The following ERCC8 variants were observed in gnomAD, a reference collection of about 807,000 sequenced individuals.
The protein encoded by ERCC8 is DNA excision repair protein ERCC-8.
ERCC8 carries 52 observed loss-of-function variants against 54.9 expected under a neutral mutation model. The observed-to-expected ratio is 0.95, with a 90% CI of 0.76 to 1.19. The LOEUF is 1.19. Ranked by LOEUF, ERCC8 falls within the 50% of genes most tolerant of loss-of-function variation. ERCC8 has a pLI of 0.00. For missense variants in ERCC8, 514 were observed against 466.1 expected, an observed-to-expected ratio of 1.10 and a Z score of -0.95; for synonymous variants, 146 against 157.2, an observed-to-expected ratio of 0.93 and a Z score of 0.53.
chr5:60,931,938 C>G (rs1580045077), intron 1 of ERCC8, among the ~76,000 whole-genome samples: 1 of 152,188 alleles, frequency 6.6e-6, no homozygotes, highest in South Asian at 2.1e-4. Context: ...AATCTCCCAT[C>G]TCCACTACCA....
At chr5:60,890,522 C>T (rs1748515200) in intron 10 of ERCC8, among the ~76,000 whole-genome samples, 1 of 152,110 alleles carries the variant, frequency 6.6e-6, no homozygotes. Context: ...ATCATCCACA[C>T]ATACATAAAC....
rs577715723 is a variant in ERCC8 at position 60,902,610 on chromosome 5, T to A, written c.551-102A>T. ...ATTCTGAAGAAAGTGAGGCCAAATA[T>A]TCAATGTGAATAGATATGACCATTT... is the stretch of plus-strand genomic sequence containing the variant. On this transcript the variant is annotated intron_variant, in intron 6 of 11. Transcript: ENST00000676185. 6.9e-5 allele frequency: 61 copies of A among 878,274 alleles called. No homozygotes were observed. In the South Asian group the frequency reaches 7.7e-4, roughly 11 times the overall value. The allele number at this position is 878,274 out of a possible 1,614,324, so 54.4% of individuals were successfully genotyped here.
In ERCC8 at chr5:60,897,921, G is replaced by T. The variant is rs563748987; in HGVS notation, c.843+355C>A. On this transcript the variant is annotated intron_variant, in intron 9 of 11. Coordinates refer to ENST00000676185, the MANE Select transcript of ERCC8 (RefSeq NM_000082.4). ...AGATTTTGGAACATTTCAGATTTCAGATTTTCAGATTAGGGATACTCAACC... is the reference window on the plus strand; with the variant it reads ...AGATTTTGGAACATTTCAGATTTCATATTTTCAGATTAGGGATACTCAACC... 1.9e-4 allele frequency among the ~76,000 whole-genome samples: 29 copies of T among 152,296 alleles called. No homozygotes were observed. In the South Asian group the frequency reaches 5.6e-3, roughly 29 times the overall value.
chr5:60,870,533 G>A lies in ERCC8; in HGVS notation c.*4082C>T, dbSNP rs1007100610. On this transcript the variant is annotated 3_prime_UTR_variant, in exon 12 of 12. Transcript: ENST00000676185. ...AAAAATTAGCCAGGCGTGGTGGTGG[G>A]CACCTGTAATCCCAGCTGCTTGGGA... 6.7e-6 allele frequency among the ~76,000 whole-genome samples: 1 copy of A among 150,082 alleles called. No individual in the cohort carries two copies. Among genetic ancestry groups the A allele is most frequent in the Non-Finnish European group, 1.5e-5 (1 of 67,634 alleles).
chr5:60,918,718 G>A (rs1019244895), intron 3 of ERCC8: 2 of 328,126 alleles, frequency 6.1e-6, no homozygotes, highest in Admixed American at 4.6e-5. Context: ...TACTGGAAGA[G>A]ACAGCTGTTT....
At chr5:60,899,572 T>G in intron 8 of ERCC8, 55 bp downstream of exon 8, 1 of 1,358,862 alleles carries the variant, frequency 7.4e-7, no homozygotes. Flanking sequence ...AATTAAAAAT[T>G]TTCAATGTAA....
intron 1 of ERCC8, among the ~76,000 whole-genome samples, chr5:60,933,143 A>C (rs1749958281): frequency 6.7e-6 from 1 of 149,496 alleles, no homozygotes; most frequent in Non-Finnish European, 1.5e-5. Flanking sequence ...TTTTGTTTTA[A>C]TGTTTTAAAT....
rs1747914247 is a variant in ERCC8, at chr5:60,873,660, G to C, written c.*955C>G. On this transcript the variant is annotated 3_prime_UTR_variant, in exon 12 of 12. Coordinates refer to ENST00000676185, the MANE Select transcript of ERCC8 (RefSeq NM_000082.4). ...ACACTGCACTCCGGCCTGAGCGACAGAGTGAAACTCCATCTCAGGAAAAAA... is the reference window on the plus strand; with the variant it reads ...ACACTGCACTCCGGCCTGAGCGACACAGTGAAACTCCATCTCAGGAAAAAA... Among the ~76,000 whole-genome samples, 1 of 152,080 alleles carries C rather than the reference G, an allele frequency of 6.6e-6. No homozygotes were observed. Among genetic ancestry groups the C allele is most frequent in the African/African-American group, 2.4e-5 (1 of 41,392 alleles).
intron 11 of ERCC8, among the ~76,000 whole-genome samples, chr5:60,883,502 T>C (rs1198600972): frequency 1.3e-5 from 2 of 152,218 alleles, no homozygotes; most frequent in Non-Finnish European, 2.9e-5. Context: ...GTCAATGTTA[T>C]AGAAATAATG....
intron 4 of ERCC8, among the ~76,000 whole-genome samples, chr5:60,914,411 C>T (rs1336120692): frequency 1.3e-5 from 2 of 151,796 alleles, no homozygotes; most frequent in African/African-American, 4.8e-5. Context: ...GATTGCAACC[C>T]CTGCTTTTTT....
In ERCC8 at chr5:60,923,516, A is replaced by G. The variant is rs977702132; in HGVS notation, c.174-1361T>C. ...AAAGCCATAATGTTTAATTTAGGAA[A>G]TAACAATAGTTGATGAGGTATATGA... On this transcript the variant is annotated intron_variant, in intron 2 of 11. Transcript: ENST00000676185. Among the ~76,000 whole-genome samples, 3 of 152,154 alleles carry G rather than the reference A, an allele frequency of 2.0e-5. No homozygotes were observed. In the East Asian group the frequency reaches 5.8e-4, roughly 29 times the overall value.
intron 4 of ERCC8, among the ~76,000 whole-genome samples, chr5:60,907,970 T>C (rs556033826): frequency 1.1e-4 from 17 of 152,314 alleles, no homozygotes; most frequent in African/African-American, 4.1e-4. Context: ...ACACAATTGA[T>C]TACTCCCATC....
chr5:60,880,533 G>T (rs1483056781), intron 11 of ERCC8, among the ~76,000 whole-genome samples: 1 of 152,118 alleles, frequency 6.6e-6, no homozygotes, highest in Non-Finnish European at 1.5e-5. Flanking sequence ...TTTTCACATA[G>T]TCCCATATTT....
At chr5:60,901,495 T>G (rs1333055588) in intron 7 of ERCC8, among the ~76,000 whole-genome samples, 1 of 152,030 alleles carries the variant, frequency 6.6e-6, no homozygotes, top group African/African-American at 2.4e-5. Flanking sequence ...TCCTCAAAAT[T>G]GCATCCTCAT....
intron 2 of ERCC8, among the ~76,000 whole-genome samples, chr5:60,927,861 T>C (rs537262406): frequency 1.3e-5 from 2 of 152,350 alleles, no homozygotes; most frequent in African/African-American, 4.8e-5. Context: ...GTTTCTCATA[T>C]ACTAGTAGAT....
chr5:60,921,984 G>A, intron 3 of ERCC8, 70 bp downstream of exon 3: 1 of 1,071,732 alleles, frequency 9.3e-7, no homozygotes, highest in Non-Finnish European at 1.4e-6. Context: ...CAATTTTCAT[G>A]TTTTGCATTC....
chr5:60,874,911 T>C (rs1283127240), intron 11 of ERCC8, among the ~76,000 whole-genome samples: 1 of 151,934 alleles, frequency 6.6e-6, no homozygotes, highest in Non-Finnish European at 1.5e-5. Context: ...CCAAACACCC[T>C]GTTTCCTTTA....
At chr5:60,938,541 A>C (rs1750161494) in intron 1 of ERCC8, among the ~76,000 whole-genome samples, 1 of 151,194 alleles carries the variant, frequency 6.6e-6, no homozygotes, top group Non-Finnish European at 1.5e-5. Context: ...TTTAGTAGAG[A>C]CGGGGTTTCA....
At chr5:60,903,827 T>G (rs936460240) in intron 5 of ERCC8, 111 bp from the exon 6 acceptor site, 2 of 1,004,868 alleles carry the variant, frequency 2.0e-6, no homozygotes, top group Non-Finnish European at 3.0e-6. Context: ...TGCAGAAATA[T>G]GAAGATATAT....
Sources: gnomAD v4.1 joint callset for allele counts (sites outside exome capture counted in the v4.1 genomes callset) on GRCh38, gnomAD v4.1.1 for gene constraint, MANE v1.5 for transcripts, NCBI Gene and HGNC (gene_info 2026-07-23, HGNC 2026-07-21) for gene names.